Variants in NAV2 observed in about 807,000 individuals in gnomAD.
The protein encoded by NAV2 is helicase, APC down-regulated 1.
NAV2 carries 54 observed loss-of-function variants against 223.2 expected under a neutral mutation model. That is an observed-to-expected ratio of 0.24 (90% CI 0.19 to 0.30). NAV2 has a LOEUF of 0.30. NAV2 is among the 10% of genes least tolerant of loss of function. The pLI, the probability that NAV2 is intolerant of heterozygous loss-of-function variation, is 1.00. For missense variants in NAV2, 2,806 were observed against 3,147.5 expected, an observed-to-expected ratio of 0.89 and a Z score of 2.60; for synonymous variants, 1,279 against 1,239.3, an observed-to-expected ratio of 1.03 and a Z score of -0.67.
intron 1 of NAV2, among the ~76,000 whole-genome samples, chr11:19,723,118 G>A (rs1042241313): frequency 6.6e-6 from 1 of 152,206 alleles, no homozygotes; most frequent in African/African-American, 2.4e-5. Context: ...TTGGATGGAG[G>A]ACCTGAGAAG....
chr11:19,639,302 C>G (rs1311984327), intron 1 of NAV2, among the ~76,000 whole-genome samples: 1 of 152,154 alleles, frequency 6.6e-6, no homozygotes, highest in Non-Finnish European at 1.5e-5. Context: ...GTTTGGTAAC[C>G]AGGCATGCTT....
intron 35 of NAV2, 52 bp downstream of exon 35, chr11:20,105,779 T>TGGGCA: frequency 7.0e-7 from 1 of 1,435,186 alleles, no homozygotes; most frequent in South Asian, 1.2e-5. Flanking sequence ...CAGGTGCCCA[T>TGGGCA]CCTCTGGGCC....
chr11:20,048,645 C>A, intron 14 of NAV2, 83 bp from the exon 15 acceptor site: 1 of 1,158,386 alleles, frequency 8.6e-7, no homozygotes, highest in Non-Finnish European at 1.3e-6. Flanking sequence ...TTCTCACCAA[C>A]TCCTCTGCCC....
At chr11:19,425,594 C>G (rs887052332) in intron 1 of NAV2, among the ~76,000 whole-genome samples, 2 of 152,060 alleles carry the variant, frequency 1.3e-5, no homozygotes, top group African/African-American at 4.8e-5. Flanking sequence ...GTGGTCCTGC[C>G]CCATTATGTC....
At chr11:19,881,820 G>C (rs1465315916) in intron 5 of NAV2, among the ~76,000 whole-genome samples, 1 of 152,168 alleles carries the variant, frequency 6.6e-6, no homozygotes, top group Non-Finnish European at 1.5e-5. Context: ...ATTTAGGTTT[G>C]GTTGATAGAA....
intron 10 of NAV2, among the ~76,000 whole-genome samples, chr11:19,958,406 C>T (rs2048064676): frequency 6.6e-6 from 1 of 152,114 alleles, no homozygotes; most frequent in South Asian, 2.1e-4. Context: ...TGTAGGTCAG[C>T]ATAAGAGTGG....
chr11:19,438,265 T>C (rs1851280282), intron 1 of NAV2, among the ~76,000 whole-genome samples: 1 of 152,180 alleles, frequency 6.6e-6, no homozygotes, highest in Non-Finnish European at 1.5e-5. Flanking sequence ...ACTATTGTTA[T>C]CCCAGTCTAC....
intron 1 of NAV2, among the ~76,000 whole-genome samples, chr11:19,390,088 T>G (rs962039835): frequency 3.9e-5 from 6 of 152,230 alleles, no homozygotes; most frequent in African/African-American, 1.4e-4. Context: ...GTGGATGGTT[T>G]ACATGTGAAG....
At chr11:19,538,633 C>G (rs947691714) in intron 1 of NAV2, among the ~76,000 whole-genome samples, 1 of 151,910 alleles carries the variant, frequency 6.6e-6, no homozygotes. Flanking sequence ...AGATTACAGG[C>G]GTTAGCTGCC....
At chr11:19,362,840 CCTA>C (rs905477813) in intron 1 of NAV2, among the ~76,000 whole-genome samples, 3 of 152,168 alleles carry the variant, frequency 2.0e-5, no homozygotes, top group African/African-American at 4.8e-5. Context: ...ATGCCTGACA[CCTA>C]CTAAGTACTA....
intron 1 of NAV2, among the ~76,000 whole-genome samples, chr11:19,628,229 G>A (rs2047229935): frequency 6.6e-6 from 1 of 152,166 alleles, no homozygotes; most frequent in South Asian, 2.1e-4. Context: ...TGGGAGAGGA[G>A]CCAGTGGACA....
intron 6 of NAV2, among the ~76,000 whole-genome samples, chr11:19,932,236 CAAAAAAAA>C (rs398015484): frequency 2.3e-4 from 18 of 78,994 alleles, no homozygotes; most frequent in African/African-American, 1.0e-3. Context: ...CACTCTTAAG[CAAAAAAAA>C]AAAAAAAAAA....
Position 19,933,951 on chromosome 11 carries a change from G to T in NAV2, c.1707G>T (p.Met569Ile), listed in dbSNP as rs767738419. 6.3e-7 allele frequency: 1 copy of T among 1,597,644 alleles called. No homozygotes were observed. The highest frequency in any genetic ancestry group is 8.5e-7 in the Non-Finnish European group (1 of 1,173,670). ...PSHSGIPKPG[M>I]KSMPGKSPSA... ...ACAGTGGAATACCAAAACCAGGAAT[G>T]AAAAGCATGCCCGGGAAATCCCCAA... is the stretch of plus-strand genomic sequence containing the variant. The change falls in exon 7 of 38, where the codon ATG (methionine) becomes ATT (isoleucine). Residue 569 changes from methionine (M) to isoleucine (I), a missense_variant. Physicochemically the swap from Met to Ile is conservative, Grantham distance 10. This residue lies in a region of NAV2 where 1,167 missense variants were observed against 1,180.5 expected (regional missense o/e 0.99). Coordinates refer to ENST00000349880, the MANE Select transcript of NAV2 (RefSeq NM_145117.5). The surrounding 1 kb of genome is among the most constrained non-coding windows in gnomAD (Gnocchi z 4.3).
chr11:20,012,568 G>A lies in NAV2; in HGVS notation c.2769-23391G>A, dbSNP rs551731016. ...CACACGCCTGTAATCCTAGCTACTCGGGAGGCTGAGGCAGAAGAATCACTT... is the reference window on the plus strand; with the variant it reads ...CACACGCCTGTAATCCTAGCTACTCAGGAGGCTGAGGCAGAAGAATCACTT... On this transcript the variant is annotated intron_variant, in intron 11 of 37. Coordinates refer to ENST00000349880, the MANE Select transcript of NAV2 (RefSeq NM_145117.5). 5.3e-5 allele frequency among the ~76,000 whole-genome samples: 8 copies of A among 152,032 alleles called. No individual in the cohort carries two copies. The South Asian group carries it at 6.2e-4, about 12-fold the overall frequency.
intron 11 of NAV2, among the ~76,000 whole-genome samples, chr11:20,009,750 C>G (rs76631780): frequency 0.013 from 1,958 of 152,268 alleles, 54 homozygotes; most frequent in African/African-American, 0.045. Context: ...CACTGAATTA[C>G]TTGCTTCCCC....
At chr11:19,819,771 T>C (rs561319850) in intron 1 of NAV2, among the ~76,000 whole-genome samples, 3 of 152,130 alleles carry the variant, frequency 2.0e-5, no homozygotes, top group Non-Finnish European at 2.9e-5. Flanking sequence ...GATAATAGAG[T>C]ATTATCCCAT....
At chr11:19,396,086 A>G (rs1203353080) in intron 1 of NAV2, among the ~76,000 whole-genome samples, 1 of 152,222 alleles carries the variant, frequency 6.6e-6, no homozygotes, top group Non-Finnish European at 1.5e-5. Context: ...AAGTACCTAG[A>G]GCCCTGCTCA....
chr11:19,874,749 G>A (rs2062736578), intron 4 of NAV2, among the ~76,000 whole-genome samples: 1 of 152,202 alleles, frequency 6.6e-6, no homozygotes, highest in Non-Finnish European at 1.5e-5. Flanking sequence ...CAGTTATAAT[G>A]TCCATCAATT....
intron 10 of NAV2, among the ~76,000 whole-genome samples, chr11:19,975,990 G>A (rs2049700937): frequency 6.6e-6 from 1 of 152,126 alleles, no homozygotes; most frequent in African/African-American, 2.4e-5. Context: ...TTTGGTTGTA[G>A]TTGTTTTTAA....
Sources: gnomAD v4.1 joint callset for allele counts (sites outside exome capture counted in the v4.1 genomes callset) on GRCh38, gnomAD v4.1.1 for gene constraint, gnomAD v4.1.1 regional missense constraint, Gnocchi (gnomAD v3.1) non-coding constraint, MANE v1.5 for transcripts, NCBI Gene and HGNC (gene_info 2026-07-23, HGNC 2026-07-21) for gene names.